The following WDR17 variants were observed in gnomAD, a reference collection of about 807,000 sequenced individuals.
WDR17 encodes the protein WD repeat domain 17, also known as WD repeat-containing protein 17.
In WDR17, 143 loss-of-function variants were observed where a neutral mutation model predicts 161.7. The ratio of observed to expected loss-of-function variants is 0.88; its 90% confidence interval spans 0.77 to 1.02. The LOEUF (loss-of-function observed/expected upper bound fraction) is 1.02, where lower values mean the gene tolerates loss of function less well. WDR17 is among the 50% of genes least tolerant of loss of function. WDR17 has a pLI of 0.00. For synonymous variants in WDR17, 517 were observed against 515.6 expected, an observed-to-expected ratio of 1.00 and a Z score of -0.04; for missense variants, 1,469 against 1,520.9, an observed-to-expected ratio of 0.97 and a Z score of 0.57.
At position 176,146,072 on chromosome 4, in the gene WDR17, A is replaced by G. The variant is rs773423925; in HGVS notation, c.1607A>G (p.Lys536Arg). 6.2e-7 allele frequency: 1 copy of G among 1,613,960 alleles called. No homozygotes were observed. The highest frequency in any genetic ancestry group is 8.5e-7 in the Non-Finnish European group (1 of 1,179,996). The change falls in exon 12 of 29, where the codon AAA (lysine) becomes AGA (arginine). Residue 536 changes from lysine to arginine, a missense_variant. Lys to Arg is a conservative substitution (Grantham distance 26). Coordinates refer to ENST00000508596, the MANE Select transcript of WDR17 (RefSeq NM_181265.4). ...YVATSSDQPL[K>R]VFSGHTAKVF... is the part of the protein sequence containing the mutation. Reference sequence around the variant, plus strand: ...GCCACCAGCTCAGATCAACCATTGAAAGTATTTAGTGGGCATACAGCAAAA... The same window carrying G: ...GCCACCAGCTCAGATCAACCATTGAGAGTATTTAGTGGGCATACAGCAAAA...
At chr4:176,111,548 G>A (rs759990379) in intron 1 of WDR17, 27 bp from the exon 2 acceptor site, 1 of 1,597,310 alleles carries the variant, frequency 6.3e-7, no homozygotes, top group Admixed American at 1.7e-5. Flanking sequence ...GGAAATCACT[G>A]ACATTTCTTC....
intron 1 of WDR17, among the ~76,000 whole-genome samples, chr4:176,083,733 C>A (rs914676604): frequency 2.0e-5 from 3 of 152,020 alleles, no homozygotes; most frequent in Non-Finnish European, 4.4e-5. Context: ...TGTATTTGTT[C>A]GGCGTTAGAG....
chr4:176,166,555 AGGAAATT>A (rs2126865660), intron 22 of WDR17, among the ~76,000 whole-genome samples: 2 of 152,300 alleles, frequency 1.3e-5, no homozygotes, highest in Non-Finnish European at 2.9e-5. Context: ...TTAACATTGA[AGGAAATT>A]AGCTGGCCTT....
intron 1 of WDR17, among the ~76,000 whole-genome samples, chr4:176,076,101 A>G (rs187614041): frequency 8.4e-4 from 127 of 151,892 alleles, no homozygotes; most frequent in Non-Finnish European, 1.1e-3. Flanking sequence ...CTTGTACATA[A>G]TATTTTTACA....
Position 176,162,122 on chromosome 4 carries a change from A to G in WDR17, c.2798A>G (p.Asp933Gly). The G allele has an allele frequency of 6.2e-7, 1 of 1,613,364 alleles. No individual in the cohort carries two copies. The highest frequency in any genetic ancestry group is 8.5e-7 in the Non-Finnish European group (1 of 1,179,524). ...SKELAEWYFQ[D>G]GRAVLAACCH... ...GAACTGGCAGAATGGTATTTTCAAG[A>G]TGGTCGAGCAGTACTAGCCGCATGT... The change falls in exon 21 of 29, where the codon GAT becomes GGT. Residue 933 changes from aspartate (D) to glycine (G), a missense_variant. By Grantham distance (94) the Asp-to-Gly change is moderately conservative. Coordinates refer to ENST00000508596, the MANE Select transcript of WDR17 (RefSeq NM_181265.4).
In WDR17 at chr4:176,134,029, A is replaced by G. The variant is rs528303991; in HGVS notation, c.1099-1079A>G. Among the ~76,000 whole-genome samples, 3 of 151,932 alleles carry G rather than the reference A, an allele frequency of 2.0e-5. No homozygotes were observed. In the East Asian group the frequency reaches 5.8e-4, roughly 29 times the overall value. On this transcript the variant is annotated intron_variant, in intron 7 of 28. Transcript: ENST00000508596. ...CTGCATGTAAGTCCCTGCCTGGATT[A>G]TGTTCCTAACATTGGAAATGACCAC...
chr4:176,114,484 A>G (rs1332222815), intron 2 of WDR17, among the ~76,000 whole-genome samples: 2 of 152,126 alleles, frequency 1.3e-5, no homozygotes, highest in Non-Finnish European at 2.9e-5. Context: ...GCAAAAATTA[A>G]GTTACTTAAA....
rs535687637 is a variant in WDR17 at position 176,125,160 on chromosome 4, G to C, written c.595G>C (p.Glu199Gln). 1 of 1,614,140 alleles carries C rather than the reference G, an allele frequency of 6.2e-7. No homozygotes were observed. The highest frequency in any genetic ancestry group is 1.3e-5 in the African/African-American group (1 of 75,038). ...RPESLEGTDEEDPVTALEWDP... is the reference protein window; with the variant it reads ...RPESLEGTDEQDPVTALEWDP... ...AGAATCTCTTGAAGGGACAGATGAA[G>C]AGGATCCAGTTACGGCCTTGGAATG... is the stretch of plus-strand genomic sequence containing the variant. Residue 199 changes from glutamate to glutamine, a missense_variant, in exon 5 of 29, where the codon GAG (glutamate) becomes CAG (glutamine). Physicochemically the swap from Glu to Gln is conservative, Grantham distance 29 (BLOSUM62 2). Coordinates refer to ENST00000508596, the MANE Select transcript of WDR17 (RefSeq NM_181265.4).
At chr4:176,141,013 T>A (rs1345291878) in intron 10 of WDR17, among the ~76,000 whole-genome samples, 2 of 152,192 alleles carry the variant, frequency 1.3e-5, no homozygotes, top group Non-Finnish European at 2.9e-5. Flanking sequence ...TCAAAAGTGT[T>A]GGTGGGCCTA....
At chr4:176,163,397 C>A (rs555317987) in intron 22 of WDR17, 104 bp downstream of exon 22, 2 of 1,250,094 alleles carry the variant, frequency 1.6e-6, no homozygotes, top group Non-Finnish European at 2.2e-6. Context: ...AATATAGGAT[C>A]ACCTTGTTTA....
chr4:176,083,348 AT>A (rs1192498682), intron 1 of WDR17, among the ~76,000 whole-genome samples: 1 of 152,014 alleles, frequency 6.6e-6, no homozygotes, highest in African/African-American at 2.4e-5. Flanking sequence ...GGTTGTTTTT[AT>A]TTTTGTTTTT....
intron 6 of WDR17, among the ~76,000 whole-genome samples, chr4:176,130,519 C>T (rs1030806733): frequency 1.2e-4 from 19 of 152,108 alleles, no homozygotes; most frequent in African/African-American, 3.4e-4. Context: ...CCAAGGCGGG[C>T]AGATCACAAG....
intron 1 of WDR17, among the ~76,000 whole-genome samples, chr4:176,072,645 A>T (rs1273010988): frequency 6.6e-6 from 1 of 152,112 alleles, no homozygotes; most frequent in Admixed American, 6.5e-5. Flanking sequence ...ATTTTTCTGC[A>T]TTTTCCAGAT....
chr4:176,136,191 A>G lies in WDR17; in HGVS notation c.1267+915A>G, dbSNP rs28426091. 8.0e-3 allele frequency among the ~76,000 whole-genome samples: 1,221 copies of G among 151,730 alleles called. 27 individuals carry two copies. The highest frequency in any genetic ancestry group is 0.027 in the African/African-American group (1,128 of 41,518). On this transcript the variant is annotated intron_variant, in intron 8 of 28. Coordinates refer to ENST00000508596, the MANE Select transcript of WDR17 (RefSeq NM_181265.4). The stretch of plus-strand genomic sequence containing the variant: ...CTTTATGTATCCTTCATCTCCTACA[A>G]TGAGGAGAATTACAGAAAAAGGTTT...
In WDR17 at chr4:176,160,936, C is replaced by G. The variant is rs2126848861; in HGVS notation, c.2684C>G (p.Pro895Arg). 6.2e-7 allele frequency: 1 copy of G among 1,607,466 alleles called. No individual in the cohort carries two copies. Among genetic ancestry groups the G allele is most frequent in the African/African-American group, 1.3e-5 (1 of 74,820 alleles). The change falls in exon 20 of 29, where the codon CCC (proline) becomes CGC (arginine). Residue 895 changes from proline (P) to arginine (R), a missense_variant. Coordinates refer to ENST00000508596, the MANE Select transcript of WDR17 (RefSeq NM_181265.4). ...GCTGCTTGTGAAGGAAATATGCAGCCCTTACATGTTTCCGTGCCTAAAGGA... is the reference window on the plus strand; with the variant it reads ...GCTGCTTGTGAAGGAAATATGCAGCGCTTACATGTTTCCGTGCCTAAAGGA... ...AQAACEGNMQ[P>R]LHVSVPKGAS... is the part of the protein sequence containing the mutation.
intron 10 of WDR17, 131 bp downstream of exon 10, chr4:176,140,105 C>T (rs1745020818): frequency 1.6e-6 from 1 of 611,684 alleles, no homozygotes; most frequent in South Asian, 3.0e-5. Context: ...TATTTTTAAG[C>T]CCATATAGGC....
Position 176,148,135 on chromosome 4 carries a change from C to A in WDR17, c.1697C>A (p.Thr566Asn), listed in dbSNP as rs775919648. ...CACCCATAATATTCTGTTTTCAGTA[C>A]CGTTCGAATCTGGGATTATACTCAG... ...GILCSGSDDG[T>N]VRIWDYTQDA... Residue 566 changes from threonine (T) to asparagine (N), a missense_variant and splice_region_variant, in exon 13 of 29, where the codon ACC becomes AAC. Physicochemically the swap from Thr to Asn is moderately conservative, Grantham distance 65. Transcript: ENST00000508596. The A allele has an allele frequency of 1.9e-6, 3 of 1,613,326 alleles. No homozygotes were observed. The highest frequency in any genetic ancestry group is 1.7e-6 in the Non-Finnish European group (2 of 1,179,692).
rs1469848664 is a variant in WDR17 at position 176,167,239 on chromosome 4, G to A, written c.2991-1433G>A. Among the ~76,000 whole-genome samples, 7 of 152,270 alleles carry A rather than the reference G, an allele frequency of 4.6e-5. No homozygotes were observed. The East Asian group carries it at 1.3e-3, about 29-fold the overall frequency. The stretch of plus-strand genomic sequence containing the variant: ...TTACTGACGTTTTCACAAAGAAGAT[G>A]AAGTGTAGGGTTTTACTCCCAGAGG... On this transcript the variant is annotated intron_variant, in intron 22 of 28. Transcript: ENST00000508596.
At position 176,170,674 on chromosome 4, in the gene WDR17, G is replaced by A. The variant is rs116551716; in HGVS notation, c.3103-1701G>A. On this transcript the variant is annotated intron_variant, in intron 23 of 28. Coordinates refer to ENST00000508596, the MANE Select transcript of WDR17 (RefSeq NM_181265.4). ...TAGAAGAATATAGGCAGTTAGCTAA[G>A]ACCGCTTTTAATGATAGGGCTAGAA... Among the ~76,000 whole-genome samples the A allele has an allele frequency of 2.2e-3, 331 of 152,288 alleles. 3 individuals carry two copies. The highest frequency in any genetic ancestry group is 7.7e-3 in the African/African-American group (318 of 41,568).
Sources: gnomAD v4.1 joint callset for allele counts (sites outside exome capture counted in the v4.1 genomes callset) on GRCh38, gnomAD v4.1.1 for gene constraint, MANE v1.5 for transcripts, NCBI Gene and HGNC (gene_info 2026-07-23, HGNC 2026-07-21) for gene names.